PLCB1: variants seen among roughly 807,000 people sequenced by gnomAD.
The protein encoded by PLCB1 is 1-phosphatidylinositol 4,5-bisphosphate phosphodiesterase beta-1.
PLCB1 carries 46 observed loss-of-function variants against 161.8 expected under a neutral mutation model. That is an observed-to-expected ratio of 0.28 (90% CI 0.22 to 0.36). The LOEUF is 0.36. Among genes scored for constraint, PLCB1 ranks in the 10% least tolerant of loss-of-function variants. The pLI is 1.00. For missense variants in PLCB1, 1,016 were observed against 1,472.5 expected, an observed-to-expected ratio of 0.69 and a Z score of 5.07; for synonymous variants, 517 against 503.7, an observed-to-expected ratio of 1.03 and a Z score of -0.35.
intron 10 of PLCB1, among the ~76,000 whole-genome samples, chr20:8,685,990 T>C (rs1408257970): frequency 6.6e-6 from 1 of 152,168 alleles, no homozygotes; most frequent in Non-Finnish European, 1.5e-5. Context: ...AAAGAGGAAA[T>C]AAATTTCATT....
intron 2 of PLCB1, among the ~76,000 whole-genome samples, chr20:8,323,709 G>A (rs192258581): frequency 6.6e-6 from 1 of 152,220 alleles, no homozygotes; most frequent in East Asian, 1.9e-4. Context: ...CAAGGAAGGG[G>A]CATCGATTTT....
At chr20:8,374,475 G>C (rs1233163817) in intron 3 of PLCB1, among the ~76,000 whole-genome samples, 1 of 152,120 alleles carries the variant, frequency 6.6e-6, no homozygotes, top group East Asian at 1.9e-4. Context: ...GGTTCCCCTT[G>C]GATGCTACCC....
At position 8,788,473 on chromosome 20, in the gene PLCB1, G is replaced by T. The variant is rs778097231; in HGVS notation, c.3136G>T (p.Ala1046Ser). The stretch of plus-strand genomic sequence containing the variant: ...GCTTATTCAAAAGTTGACGGATGTC[G>T]CAGAAGAGTGTCAGAACAATCAGTT... Reference protein sequence around the residue: ...KLLIQKLTDVAEECQNNQLKK... With the variant: ...KLLIQKLTDVSEECQNNQLKK... The change falls in exon 28 of 32, where the codon GCA becomes TCA. Residue 1046 changes from alanine (A) to serine (S), a missense_variant. Physicochemically the swap from Ala to Ser is moderately conservative, Grantham distance 99. Transcript: ENST00000338037. The T allele has an allele frequency of 1.9e-6, 3 of 1,613,580 alleles. No homozygotes were observed. The highest frequency in any genetic ancestry group is 2.2e-5 in the South Asian group (2 of 90,884).
intron 19 of PLCB1, among the ~76,000 whole-genome samples, chr20:8,734,001 G>A (rs1980437893): frequency 2.7e-5 from 4 of 149,092 alleles, no homozygotes; most frequent in Admixed American, 6.7e-5. Flanking sequence ...GGTGGCGGGC[G>A]CCTGTAGTGC....
intron 2 of PLCB1, among the ~76,000 whole-genome samples, chr20:8,334,000 G>A (rs1985466303): frequency 6.6e-6 from 1 of 152,106 alleles, no homozygotes; most frequent in East Asian, 1.9e-4. Flanking sequence ...ACCTGAGGTC[G>A]GGAGTTTGAG....
chr20:8,227,485 C>T (rs543209106), intron 2 of PLCB1, among the ~76,000 whole-genome samples: 4 of 152,234 alleles, frequency 2.6e-5, no homozygotes, highest in Admixed American at 2.6e-4. Flanking sequence ...GCAGGTACTC[C>T]AGCCAACCAA....
At chr20:8,577,523 TA>T (rs1986713341) in intron 3 of PLCB1, among the ~76,000 whole-genome samples, 1 of 151,892 alleles carries the variant, frequency 6.6e-6, no homozygotes, top group Admixed American at 6.6e-5. Flanking sequence ...CCTTCTAACT[TA>T]AGCAATCTTA....
At chr20:8,522,259 G>A (rs558212797) in intron 3 of PLCB1, among the ~76,000 whole-genome samples, 7 of 152,106 alleles carry the variant, frequency 4.6e-5, no homozygotes, top group Admixed American at 1.3e-4. Flanking sequence ...CCTTACAAGC[G>A]TTTCCTGAGA....
At chr20:8,617,349 ACTTT>A (rs901259465) in intron 3 of PLCB1, among the ~76,000 whole-genome samples, 2 of 152,160 alleles carry the variant, frequency 1.3e-5, no homozygotes, top group African/African-American at 4.8e-5. Flanking sequence ...AAAACTCATC[ACTTT>A]CTAATTATTT....
chr20:8,519,606 C>T (rs554478123), intron 3 of PLCB1, among the ~76,000 whole-genome samples: 29 of 152,176 alleles, frequency 1.9e-4, no homozygotes, highest in African/African-American at 6.5e-4. Flanking sequence ...TGTATAATTG[C>T]CTAGTTTCCC....
intron 2 of PLCB1, among the ~76,000 whole-genome samples, chr20:8,357,253 A>G (rs1986390475): frequency 1.3e-5 from 2 of 152,254 alleles, no homozygotes; most frequent in Non-Finnish European, 2.9e-5. Flanking sequence ...ATGAATGAAT[A>G]AAAGTCACAG....
At chr20:8,742,123 G>A (rs1374837871) in intron 23 of PLCB1, among the ~76,000 whole-genome samples, 1 of 152,046 alleles carries the variant, frequency 6.6e-6, no homozygotes, top group Non-Finnish European at 1.5e-5. Flanking sequence ...ACAATGCAAA[G>A]CATAATTAAG....
At chr20:8,776,316 G>A (rs186122818) in intron 27 of PLCB1, among the ~76,000 whole-genome samples, 2 of 152,254 alleles carry the variant, frequency 1.3e-5, no homozygotes, top group East Asian at 3.9e-4. Context: ...CTGGAAGGTG[G>A]TACATTTGGG....
rs1981263920 is a variant in PLCB1 at position 8,253,578 on chromosome 20, A to G, written c.177+103207A>G. Reference sequence around the variant, plus strand: ...TTTATTCACAGAGGACAGGAAGAATATTGAGTTGATATCTAGCAGTGTCTC... The same window carrying G: ...TTTATTCACAGAGGACAGGAAGAATGTTGAGTTGATATCTAGCAGTGTCTC... On this transcript the variant is annotated intron_variant, in intron 2 of 31. Transcript: ENST00000338037. 2.0e-5 allele frequency among the ~76,000 whole-genome samples: 3 copies of G among 152,012 alleles called. No homozygotes were observed. The East Asian group carries it at 5.8e-4, about 29-fold the overall frequency.
chr20:8,433,751 A>T (rs1482448470), intron 3 of PLCB1, among the ~76,000 whole-genome samples: 1 of 150,542 alleles, frequency 6.6e-6, no homozygotes, highest in African/African-American at 2.5e-5. Flanking sequence ...CCTCATGGAC[A>T]ATTGGTTTCA....
At chr20:8,238,711 G>A (rs1326469499) in intron 2 of PLCB1, among the ~76,000 whole-genome samples, 1 of 151,972 alleles carries the variant, frequency 6.6e-6, no homozygotes, top group Non-Finnish European at 1.5e-5. Flanking sequence ...AAGGAAAACG[G>A]AAAGGGGGCA....
At chr20:8,254,986 C>T (rs1981337694) in intron 2 of PLCB1, among the ~76,000 whole-genome samples, 1 of 152,022 alleles carries the variant, frequency 6.6e-6, no homozygotes, top group Non-Finnish European at 1.5e-5. Flanking sequence ...TAATCGTTGT[C>T]ATTACTATAT....
intron 3 of PLCB1, among the ~76,000 whole-genome samples, chr20:8,386,623 C>T (rs1987433219): frequency 6.6e-6 from 1 of 152,190 alleles, no homozygotes; most frequent in African/African-American, 2.4e-5. Flanking sequence ...CTTAAAGTTA[C>T]CAACTGCCTT....
chr20:8,727,184 C>A, intron 16 of PLCB1, 125 bp from the exon 17 acceptor site: 1 of 536,542 alleles, frequency 1.9e-6, no homozygotes, highest in Non-Finnish European at 3.3e-6. Context: ...ATTGAAATTA[C>A]ATTGAGGATT....
Sources: allele counts gnomAD v4.1 joint callset (sites outside exome capture counted in the v4.1 genomes callset), GRCh38; gene constraint gnomAD v4.1.1; transcripts MANE v1.5; gene names NCBI Gene and HGNC (gene_info 2026-07-23, HGNC 2026-07-21).